ARID2: variants seen among roughly 807,000 people sequenced by gnomAD.
ARID2 encodes the protein AT-rich interaction domain 2, also known as AT-rich interactive domain-containing protein 2.
In ARID2, 32 loss-of-function variants were observed where a neutral mutation model predicts 184.6. The ratio of observed to expected loss-of-function variants is 0.17; its 90% CI spans 0.13 to 0.23. The LOEUF is 0.23. Among genes scored for constraint, ARID2 ranks in the 10% least tolerant of loss-of-function variants. The pLI is 1.00. For synonymous variants in ARID2, 836 were observed against 772.6 expected, an observed-to-expected ratio of 1.08 and a Z score of -1.36; for missense variants, 1,696 against 2,197.6, an observed-to-expected ratio of 0.77 and a Z score of 4.56.
At chr12:45,853,575 G>T (rs1943594749) in intron 15 of ARID2, among the ~76,000 whole-genome samples, 1 of 152,146 alleles carries the variant, frequency 6.6e-6, no homozygotes, top group Non-Finnish European at 1.5e-5. Flanking sequence ...CTACCAAGTT[G>T]AGGGTCCAAT....
At chr12:45,894,239 G>A (rs554628049) in intron 20 of ARID2, among the ~76,000 whole-genome samples, 3 of 152,306 alleles carry the variant, frequency 2.0e-5, no homozygotes, top group Admixed American at 6.5e-5. Flanking sequence ...TCATTAATTC[G>A]TGAGAGAGCA....
At chr12:45,782,531 C>T (rs1320270591) in intron 3 of ARID2, among the ~76,000 whole-genome samples, 1 of 152,114 alleles carries the variant, frequency 6.6e-6, no homozygotes, top group Admixed American at 6.5e-5. Context: ...ACTCAGGAGA[C>T]TGGGGCAGGA....
At chr12:45,797,908 G>GA (rs1325735661) in intron 3 of ARID2, among the ~76,000 whole-genome samples, 1 of 151,678 alleles carries the variant, frequency 6.6e-6, no homozygotes, top group African/African-American at 2.4e-5. Flanking sequence ...TTATTGAAAA[G>GA]TCATCAAGCA....
At chr12:45,738,962 A>T (rs567181668) in intron 3 of ARID2, among the ~76,000 whole-genome samples, 8 of 151,220 alleles carry the variant, frequency 5.3e-5, no homozygotes, top group African/African-American at 1.9e-4. Flanking sequence ...TACATTTTAC[A>T]GAGTGTTGTC....
chr12:45,730,824 C>CA (rs1940976518), intron 2 of ARID2, among the ~76,000 whole-genome samples: 1 of 151,494 alleles, frequency 6.6e-6, no homozygotes, highest in Admixed American at 6.6e-5. Context: ...CCCGGCCCCC[C>CA]CCCCAACCCG....
At chr12:45,841,787 T>C (rs916536717) in intron 11 of ARID2, 3 of 152,218 alleles carry the variant, frequency 2.0e-5, no homozygotes, top group African/African-American at 7.2e-5. Context: ...TTTTATAATA[T>C]TCCTCTTTCA....
intron 20 of ARID2, among the ~76,000 whole-genome samples, chr12:45,899,197 G>A (rs760992867): frequency 2.2e-4 from 30 of 134,984 alleles, no homozygotes; most frequent in South Asian, 5.0e-4. Context: ...ATTTGAACCC[G>A]TAAGGCGGAG....
chr12:45,832,258 C>T (rs1943136266), intron 6 of ARID2, among the ~76,000 whole-genome samples: 1 of 152,058 alleles, frequency 6.6e-6, no homozygotes, highest in Non-Finnish European at 1.5e-5. Context: ...CAACTTTTTT[C>T]TTATTGCTCT....
chr12:45,743,119 C>T lies in ARID2; in HGVS notation c.284+11805C>T, dbSNP rs925811561. On this transcript the variant is annotated intron_variant, in intron 3 of 20. Transcript: ENST00000334344. The stretch of plus-strand genomic sequence containing the variant: ...CTGTAATCCCAGCACTTTGGAAGGC[C>T]GAGGTGGGTGGATCACAAGGTCAGG... 4.0e-5 allele frequency among the ~76,000 whole-genome samples: 6 copies of T among 151,168 alleles called. No homozygotes were observed. The South Asian group carries it at 6.3e-4, about 16-fold the overall frequency.
At chr12:45,771,041 A>C (rs1468818932) in intron 3 of ARID2, among the ~76,000 whole-genome samples, 1 of 152,204 alleles carries the variant, frequency 6.6e-6, no homozygotes, top group Non-Finnish European at 1.5e-5. Context: ...GATCCCACAT[A>C]GTAATTTAAA....
At chr12:45,762,864 T>C (rs1314472575) in intron 3 of ARID2, among the ~76,000 whole-genome samples, 2 of 152,228 alleles carry the variant, frequency 1.3e-5, no homozygotes, top group South Asian at 4.1e-4. Flanking sequence ...AGTTTATCTT[T>C]AACAATTTCT....
chr12:45,870,358 C>T (rs1943905258), intron 16 of ARID2, among the ~76,000 whole-genome samples: 2 of 152,150 alleles, frequency 1.3e-5, no homozygotes, highest in African/African-American at 4.8e-5. Flanking sequence ...GTTCCCATAT[C>T]TCCGTCCTCC....
intron 6 of ARID2, 35 bp from the exon 7 acceptor site, chr12:45,836,554 C>T (rs1403244828): frequency 3.2e-6 from 5 of 1,572,186 alleles, no homozygotes; most frequent in African/African-American, 1.4e-5. Context: ...ATAGTTGTTT[C>T]AAATCATGGA....
At chr12:45,797,015 A>G (rs533779696) in intron 3 of ARID2, among the ~76,000 whole-genome samples, 2 of 152,248 alleles carry the variant, frequency 1.3e-5, no homozygotes, top group Admixed American at 1.3e-4. Flanking sequence ...CACATTTCAC[A>G]TTTTACATCT....
chr12:45,777,570 C>T (rs998882300), intron 3 of ARID2, among the ~76,000 whole-genome samples: 6 of 151,754 alleles, frequency 4.0e-5, no homozygotes, highest in African/African-American at 9.7e-5. Flanking sequence ...AATTTTTCTC[C>T]GTGTAAGTCA....
chr12:45,892,302 A>G (rs1944311243), intron 18 of ARID2, among the ~76,000 whole-genome samples: 1 of 152,208 alleles, frequency 6.6e-6, no homozygotes, highest in South Asian at 2.1e-4. Context: ...GTGGTCTGTA[A>G]GTTACCTTTC....
intron 2 of ARID2, 132 bp downstream of exon 2, chr12:45,730,269 C>A: frequency 2.6e-6 from 2 of 755,152 alleles, no homozygotes; most frequent in East Asian, 3.4e-5. Context: ...CGCTCCCAGC[C>A]GGTGGCACGG....
At chr12:45,838,441 A>G (rs1286863808) in intron 10 of ARID2, among the ~76,000 whole-genome samples, 1 of 152,228 alleles carries the variant, frequency 6.6e-6, no homozygotes, top group Non-Finnish European at 1.5e-5. Context: ...ATCTGGCTAC[A>G]CATCAGAATC....
At chr12:45,784,944 A>T (rs1477794710) in intron 3 of ARID2, among the ~76,000 whole-genome samples, 2 of 152,208 alleles carry the variant, frequency 1.3e-5, no homozygotes, top group Non-Finnish European at 2.9e-5. Context: ...AAAGTTTGTG[A>T]CTTGCCTAAT....
Sources: gnomAD v4.1 joint callset for allele counts (sites outside exome capture counted in the v4.1 genomes callset) on GRCh38, gnomAD v4.1.1 for gene constraint, MANE v1.5 for transcripts, NCBI Gene and HGNC (gene_info 2026-07-23, HGNC 2026-07-21) for gene names.